Variants in DLEC1 observed in about 807,000 individuals in gnomAD.
DLEC1 encodes the protein deleted in lung and esophageal cancer protein 1.
DLEC1 carries 146 observed loss-of-function variants against 198.1 expected under a neutral mutation model. The observed-to-expected ratio is 0.74, with a 90% CI of 0.64 to 0.85. The LOEUF (loss-of-function observed/expected upper bound fraction) is 0.85. Ranked by LOEUF, DLEC1 falls within the 40% of genes least tolerant of loss-of-function variation. The pLI is 0.00. For synonymous variants in DLEC1, 897 were observed against 866.8 expected (o/e 1.03, Z -0.61); for missense variants, 2,233 against 2,220.0 (o/e 1.01, Z -0.12).
chr3:38,060,824 A>G (rs1696642248), intron 3 of DLEC1, among the ~76,000 whole-genome samples: 1 of 151,868 alleles, frequency 6.6e-6, no homozygotes, highest in South Asian at 2.1e-4. Flanking sequence ...CCTCCCAAGT[A>G]GCTGGGATTA....
intron 21 of DLEC1, 91 bp from the exon 22 acceptor site, chr3:38,109,341 C>G: frequency 6.4e-7 from 1 of 1,551,200 alleles, no homozygotes; most frequent in Non-Finnish European, 8.7e-7. Flanking sequence ...GGTCAAGGCT[C>G]CACAGCAATC....
chr3:38,075,675 G>A (rs975519577), intron 6 of DLEC1, among the ~76,000 whole-genome samples: 10 of 152,026 alleles, frequency 6.6e-5, no homozygotes, highest in African/African-American at 1.7e-4. Flanking sequence ...ATAAGGGATC[G>A]GGGTGCAGAG....
intron 2 of DLEC1, among the ~76,000 whole-genome samples, chr3:38,050,772 C>G (rs1007712574): frequency 2.0e-5 from 3 of 152,290 alleles, no homozygotes; most frequent in South Asian, 2.1e-4. Context: ...GTCTTCAATC[C>G]TTTGTATTAA....
chr3:38,058,376 C>T (rs933242681), intron 2 of DLEC1, among the ~76,000 whole-genome samples: 4 of 152,116 alleles, frequency 2.6e-5, no homozygotes, highest in Admixed American at 2.6e-4. Context: ...CAGACATAGC[C>T]GCTTGCTCTT....
chr3:38,111,237 A>C (rs1455223954), intron 23 of DLEC1, among the ~76,000 whole-genome samples: 1 of 152,232 alleles, frequency 6.6e-6, no homozygotes, highest in African/African-American at 2.4e-5. Context: ...TTTATAAGGC[A>C]TTAACTTTCT....
chr3:38,117,002 A>G lies in DLEC1; in HGVS notation c.4207A>G (p.Ile1403Val). ...GGTCCCTGCTGGGGGCAGCAGTACCATCTACATCTCCTTCACCCCTATGGT... is the reference window on the plus strand; with the variant it reads ...GGTCCCTGCTGGGGGCAGCAGTACCGTCTACATCTCCTTCACCCCTATGGT... Reference protein sequence around the residue: ...VVVPAGGSSTIYISFTPMVLS... With the variant: ...VVVPAGGSSTVYISFTPMVLS... Residue 1403 changes from isoleucine (I) to valine (V), a missense_variant, in exon 30 of 37, where the codon ATC becomes GTC. Physicochemically the swap from Ile to Val is conservative, Grantham distance 29. Coordinates refer to ENST00000308059, the MANE Select transcript of DLEC1 (RefSeq NM_007335.4). 5.6e-6 allele frequency: 9 copies of G among 1,614,006 alleles called. No individual in the cohort carries two copies. Among genetic ancestry groups the G allele is most frequent in the Non-Finnish European group, 7.6e-6 (9 of 1,179,964 alleles).
chr3:38,112,418 C>T lies in DLEC1; in HGVS notation c.3666+57C>T. ...GGGTGGAGAGTCTGCCCAGCCCTCG[C>T]CTTCAGCCTCTCTCCCCTCCAACAC... On this transcript the variant is annotated intron_variant, in intron 25 of 36. Coordinates refer to ENST00000308059, the MANE Select transcript of DLEC1 (RefSeq NM_007335.4). The surrounding 1 kb of genome is among the most constrained non-coding windows in gnomAD (Gnocchi z 4.8). 6.3e-7 allele frequency: 1 copy of T among 1,595,652 alleles called. No homozygotes were observed. Among genetic ancestry groups the T allele is most frequent in the Non-Finnish European group, 8.6e-7 (1 of 1,166,456 alleles).
chr3:38,082,413 C>T (rs1459202905), intron 6 of DLEC1, among the ~76,000 whole-genome samples: 1 of 151,606 alleles, frequency 6.6e-6, no homozygotes, highest in African/African-American at 2.4e-5. Context: ...GCAGAGGCTG[C>T]AATCTCGGCA....
chr3:38,112,389 TG>T lies in DLEC1; in HGVS notation c.3666+34del, dbSNP rs749906954. 3.1e-6 allele frequency: 5 copies of T among 1,609,874 alleles called. No individual in the cohort carries two copies. In the African/African-American group the frequency reaches 4.0e-5, roughly 13 times the overall value. On this transcript the variant is annotated intron_variant, in intron 25 of 36. Coordinates refer to ENST00000308059, the MANE Select transcript of DLEC1 (RefSeq NM_007335.4). The surrounding 1 kb of genome is among the most constrained non-coding windows in gnomAD (Gnocchi z 4.8). ...AAGGGTACACAAGAGGGCAGTGGCC[TG>T]GGGGGTGGAGAGTCTGCCCAGCCCT...
At chr3:38,118,486 A>G (rs1459547534) in intron 33 of DLEC1, among the ~76,000 whole-genome samples, 4 of 152,146 alleles carry the variant, frequency 2.6e-5, no homozygotes, top group Admixed American at 2.6e-4. Flanking sequence ...TCCTCTTCTG[A>G]CTTATTCTCA....
rs138507436 is a variant in DLEC1, at chr3:38,107,348, T to C, written c.2865-236T>C. Among the ~76,000 whole-genome samples, 18 of 152,322 alleles carry C rather than the reference T, an allele frequency of 1.2e-4. No homozygotes were observed. In the East Asian group the frequency reaches 3.5e-3, roughly 29 times the overall value. On this transcript the variant is annotated intron_variant, in intron 19 of 36. Coordinates refer to ENST00000308059, the MANE Select transcript of DLEC1 (RefSeq NM_007335.4). ...CTACTTTTTGAGCAATTATAAATGG[T>C]ACTATATTTTAAATTTCGATTTCCA...
At chr3:38,098,422 G>A (rs1201279723) in intron 18 of DLEC1, among the ~76,000 whole-genome samples, 1 of 152,218 alleles carries the variant, frequency 6.6e-6, no homozygotes, top group Non-Finnish European at 1.5e-5. Flanking sequence ...AAGCAGCTAA[G>A]TATTATCATA....
chr3:38,056,062 TAC>T (rs57610638), intron 2 of DLEC1, among the ~76,000 whole-genome samples: 17,261 of 119,946 alleles, frequency 0.14, 1,087 homozygotes, highest in Non-Finnish European at 0.16. Context: ...CTACAAAAAA[TAC>T]ACACACACAC....
At chr3:38,063,978 CTT>C (rs1424591993) in intron 6 of DLEC1, 59 bp downstream of exon 6, 1 of 701,036 alleles carries the variant, frequency 1.4e-6, no homozygotes, top group African/African-American at 2.4e-5. Flanking sequence ...TTTAAAAAGT[CTT>C]TATTATGGAA....
intron 6 of DLEC1, among the ~76,000 whole-genome samples, chr3:38,072,176 G>A (rs1384767087): frequency 6.6e-6 from 1 of 152,230 alleles, no homozygotes; most frequent in Non-Finnish European, 1.5e-5. Flanking sequence ...CCAGATTGAA[G>A]TCCAGGCCAG....
intron 6 of DLEC1, among the ~76,000 whole-genome samples, chr3:38,068,033 C>T (rs986444219): frequency 6.6e-6 from 1 of 152,166 alleles, no homozygotes. Flanking sequence ...GGATTACAGG[C>T]GTGAGCCATT....
intron 1 of DLEC1, among the ~76,000 whole-genome samples, chr3:38,041,085 ACTGCAAG>A (rs1347645039): frequency 6.6e-6 from 1 of 152,018 alleles, no homozygotes; most frequent in African/African-American, 2.4e-5. Context: ...ATCTCAGCTC[ACTGCAAG>A]CTCCACCTCC....
intron 6 of DLEC1, among the ~76,000 whole-genome samples, chr3:38,066,264 C>CT (rs907250948): frequency 6.6e-6 from 1 of 152,160 alleles, no homozygotes; most frequent in African/African-American, 2.4e-5. Context: ...TCCATTTTTT[C>CT]TTCAATCAGG....
intron 6 of DLEC1, among the ~76,000 whole-genome samples, chr3:38,082,567 T>C (rs1698107294): frequency 1.3e-5 from 2 of 151,752 alleles, no homozygotes; most frequent in African/African-American, 4.8e-5. Context: ...GATAAGAGGT[T>C]GGGGTGTGGA....
Sources: allele counts gnomAD v4.1 joint callset (sites outside exome capture counted in the v4.1 genomes callset), GRCh38; gene constraint gnomAD v4.1.1; non-coding constraint Gnocchi (gnomAD v3.1); transcripts MANE v1.5; gene names NCBI Gene and HGNC (gene_info 2026-07-23, HGNC 2026-07-21).